The following CNTN5 variants were observed in gnomAD, a reference collection of about 807,000 sequenced individuals.
CNTN5 encodes contactin-5.
CNTN5 carries 77 observed loss-of-function variants against 129.1 expected under a neutral mutation model. The observed-to-expected ratio is 0.60, with a 90% CI of 0.50 to 0.72. CNTN5 has a LOEUF of 0.72. CNTN5 is among the 30% of genes least tolerant of loss of function. The pLI is 0.00. For missense variants in CNTN5, 1,478 were observed against 1,328.8 expected (o/e 1.11, Z -1.75); for synonymous variants, 509 against 465.6 (o/e 1.09, Z -1.20).
rs527262169 is a variant in CNTN5, at chr11:99,956,427, T to C, written c.674-379T>C. ...CTTTACAATAAGGTCTATATCTGTA[T>C]CTTCTTATTCTACATTGTTTCATAG... On this transcript the variant is annotated intron_variant, in intron 7 of 24. Coordinates refer to ENST00000524871, the MANE Select transcript of CNTN5 (RefSeq NM_014361.4). 2.3e-3 allele frequency among the ~76,000 whole-genome samples: 352 copies of C among 152,312 alleles called. 1 individual carries two copies. Among genetic ancestry groups the C allele is most frequent in the African/African-American group, 6.5e-3 (272 of 41,570 alleles).
chr11:99,158,901 A>G (rs1461952418), intron 1 of CNTN5, among the ~76,000 whole-genome samples: 1 of 152,218 alleles, frequency 6.6e-6, no homozygotes, highest in Non-Finnish European at 1.5e-5. Context: ...AATTATAAAC[A>G]TATTGAATAT....
chr11:99,705,945 G>A (rs1954737244), intron 3 of CNTN5, among the ~76,000 whole-genome samples: 1 of 151,390 alleles, frequency 6.6e-6, no homozygotes, highest in South Asian at 2.1e-4. Flanking sequence ...TGTTGGGATA[G>A]CTCAGACAAG....
chr11:99,500,192 A>C (rs1371203082), intron 2 of CNTN5, among the ~76,000 whole-genome samples: 1 of 152,222 alleles, frequency 6.6e-6, no homozygotes, highest in African/African-American at 2.4e-5. Context: ...GATTTTTGCC[A>C]CTGAAAGTAT....
intron 10 of CNTN5, among the ~76,000 whole-genome samples, chr11:100,063,009 C>A (rs1487549573): frequency 6.6e-6 from 1 of 152,072 alleles, no homozygotes; most frequent in African/African-American, 2.4e-5. Context: ...AGTGTTGAAC[C>A]GGAACTTTAC....
At chr11:99,963,925 G>A (rs1333247339) in intron 8 of CNTN5, among the ~76,000 whole-genome samples, 1 of 152,076 alleles carries the variant, frequency 6.6e-6, no homozygotes, top group Admixed American at 6.6e-5. Context: ...AAGCAATTGT[G>A]AATGGGAGTT....
intron 9 of CNTN5, among the ~76,000 whole-genome samples, chr11:100,047,655 A>T (rs1942753433): frequency 6.6e-6 from 1 of 152,180 alleles, no homozygotes; most frequent in Admixed American, 6.5e-5. Context: ...TTAATTTTAG[A>T]TGTCAACTTG....
intron 4 of CNTN5, among the ~76,000 whole-genome samples, chr11:99,834,507 C>T (rs998701323): frequency 6.6e-6 from 1 of 152,072 alleles, no homozygotes; most frequent in Non-Finnish European, 1.5e-5. Flanking sequence ...CGGAGCAAGA[C>T]CTTGTTTCAA....
chr11:100,086,900 C>G (rs1385287496), intron 13 of CNTN5, among the ~76,000 whole-genome samples: 2 of 151,478 alleles, frequency 1.3e-5, no homozygotes, highest in African/African-American at 2.4e-5. Flanking sequence ...ATTTATCGCT[C>G]TATGTATTTA....
At chr11:100,057,113 A>G (rs1943265511) in intron 9 of CNTN5, among the ~76,000 whole-genome samples, 1 of 150,782 alleles carries the variant, frequency 6.6e-6, no homozygotes, top group African/African-American at 2.4e-5. Flanking sequence ...AGATAGTCAT[A>G]TGATTTTATT....
intron 1 of CNTN5, among the ~76,000 whole-genome samples, chr11:99,143,599 C>T (rs1224776992): frequency 6.6e-6 from 1 of 151,888 alleles, no homozygotes; most frequent in Non-Finnish European, 1.5e-5. Context: ...ATATATTGAG[C>T]ACTTCTGCAT....
intron 7 of CNTN5, among the ~76,000 whole-genome samples, chr11:99,928,432 G>T (rs1817157): frequency 6.6e-6 from 1 of 152,148 alleles, no homozygotes; most frequent in Non-Finnish European, 1.5e-5. Context: ...CCTGCAGCAA[G>T]CTTCTGCCTG....
At chr11:99,453,213 AT>A (rs892956872) in intron 2 of CNTN5, among the ~76,000 whole-genome samples, 4 of 152,148 alleles carry the variant, frequency 2.6e-5, no homozygotes, top group African/African-American at 9.7e-5. Flanking sequence ...TATTTTATTC[AT>A]TTTTTTAGAC....
chr11:99,992,442 T>C (rs906897529), intron 8 of CNTN5, among the ~76,000 whole-genome samples: 1 of 152,150 alleles, frequency 6.6e-6, no homozygotes, highest in African/African-American at 2.4e-5. Context: ...TTTTCAGACA[T>C]TTTAGTCAGT....
rs115163090 is a variant in CNTN5 at position 99,838,455 on chromosome 11, G to A, written c.278-6397G>A. On this transcript the variant is annotated intron_variant, in intron 4 of 24. Transcript: ENST00000524871. ...AATTAATATAGGGAGAGGAAAAATG[G>A]TTTATTAGTTACCTATTCCTATATT... is the stretch of plus-strand genomic sequence containing the variant. Among the ~76,000 whole-genome samples, 727 of 152,056 alleles carry A rather than the reference G, an allele frequency of 4.8e-3. 11 individuals carry two copies. The highest frequency in any genetic ancestry group is 0.014 in the African/African-American group (580 of 41,492).
chr11:99,802,091 C>T (rs941836998), intron 3 of CNTN5, among the ~76,000 whole-genome samples: 2 of 152,122 alleles, frequency 1.3e-5, no homozygotes, highest in Non-Finnish European at 2.9e-5. Flanking sequence ...TTTTCTTGTT[C>T]TCCACCCAGG....
intron 3 of CNTN5, among the ~76,000 whole-genome samples, chr11:99,701,138 C>A (rs909706834): frequency 1.2e-4 from 18 of 151,272 alleles, no homozygotes; most frequent in Admixed American, 3.3e-4. Flanking sequence ...CACTGAAGGG[C>A]ATATGGAAAT....
intron 1 of CNTN5, among the ~76,000 whole-genome samples, chr11:99,106,454 A>G (rs1867000492): frequency 6.6e-6 from 1 of 151,960 alleles, no homozygotes; most frequent in Non-Finnish European, 1.5e-5. Flanking sequence ...TAATTAATAT[A>G]TTACATATGT....
intron 3 of CNTN5, among the ~76,000 whole-genome samples, chr11:99,599,709 C>T (rs1428663856): frequency 1.3e-5 from 2 of 152,038 alleles, no homozygotes; most frequent in African/African-American, 4.8e-5. Flanking sequence ...CTTTGGGTGG[C>T]CATCATCAAT....
chr11:99,533,149 G>A (rs1444569359), intron 2 of CNTN5, among the ~76,000 whole-genome samples: 1 of 152,206 alleles, frequency 6.6e-6, no homozygotes, highest in Non-Finnish European at 1.5e-5. Flanking sequence ...CTTGAACCCG[G>A]GAGAAGGAGG....
Sources: gnomAD v4.1 joint callset for allele counts (sites outside exome capture counted in the v4.1 genomes callset) on GRCh38, gnomAD v4.1.1 for gene constraint, MANE v1.5 for transcripts, NCBI Gene and HGNC (gene_info 2026-07-23, HGNC 2026-07-21) for gene names.